DGKB: variants seen among roughly 807,000 people sequenced by gnomAD.
The protein encoded by DGKB is 90 kDa diacylglycerol kinase.
A neutral mutation model predicts 114.3 loss-of-function variants in DGKB; 67 were observed. The observed-to-expected ratio is 0.59, with a 90% confidence interval of 0.48 to 0.72. The LOEUF (loss-of-function observed/expected upper bound fraction) is 0.72, where lower values mean the gene tolerates loss of function less well. Ranked by LOEUF, DGKB falls within the 30% of genes least tolerant of loss-of-function variation. DGKB has a pLI of 0.00. For missense variants in DGKB, 907 were observed against 975.2 expected, an observed-to-expected ratio of 0.93 and a Z score of 0.93; for synonymous variants, 398 against 323.1, an observed-to-expected ratio of 1.23 and a Z score of -2.49.
chr7:14,702,631 T>C (rs1451815417), intron 6 of DGKB, among the ~76,000 whole-genome samples: 1 of 152,142 alleles, frequency 6.6e-6, no homozygotes, highest in Non-Finnish European at 1.5e-5. Context: ...CAGACACAGC[T>C]GTAAAAATAG....
At chr7:14,151,691 TTACTC>T (rs1181639907) in intron 25 of DGKB, among the ~76,000 whole-genome samples, 16 of 152,080 alleles carry the variant, frequency 1.1e-4, no homozygotes, top group African/African-American at 3.4e-4. Flanking sequence ...AACTGTTTCT[TTACTC>T]TAACTTTATT....
At chr7:14,656,039 C>T (rs780076250) in intron 13 of DGKB, among the ~76,000 whole-genome samples, 15 of 151,344 alleles carry the variant, frequency 9.9e-5, no homozygotes, top group Non-Finnish European at 1.2e-4. Context: ...TGAATATTTC[C>T]AATACGAAGA....
chr7:14,521,520 G>T (rs1010983853), intron 20 of DGKB, among the ~76,000 whole-genome samples: 5 of 151,898 alleles, frequency 3.3e-5, no homozygotes, highest in African/African-American at 9.7e-5. Context: ...TTCTGACACC[G>T]CAGACCTGCT....
chr7:14,468,136 C>A (rs79657453), intron 21 of DGKB, among the ~76,000 whole-genome samples: 15 of 152,180 alleles, frequency 9.9e-5, no homozygotes, highest in African/African-American at 3.4e-4. Flanking sequence ...TTATATGGCA[C>A]GGATTTTATT....
At chr7:14,440,922 T>A (rs1205273824) in intron 21 of DGKB, among the ~76,000 whole-genome samples, 1 of 147,914 alleles carries the variant, frequency 6.8e-6, no homozygotes, top group African/African-American at 2.5e-5. Context: ...CTGATAGCTG[T>A]GAAGTATCAG....
Position 14,410,614 on chromosome 7 carries a change from C to T in DGKB, c.1836-65223G>A, listed in dbSNP as rs184432592. On this transcript the variant is annotated intron_variant, in intron 21 of 25. Coordinates refer to ENST00000402815, the MANE Select transcript of DGKB (RefSeq NM_001350709.2). ...CTGAATAAATCTGGCTACATAAAAA[C>T]GTTAAAATGACTGTAACACTAAAAG... Among the ~76,000 whole-genome samples, 7 of 152,076 alleles carry T rather than the reference C, an allele frequency of 4.6e-5. No homozygotes were observed. The East Asian group carries it at 1.2e-3, about 25-fold the overall frequency.
At position 14,727,042 on chromosome 7, in the gene DGKB, T is replaced by C. The variant is rs1359481924; in HGVS notation, c.323-8357A>G. On this transcript the variant is annotated intron_variant, in intron 5 of 25. Coordinates refer to ENST00000402815, the MANE Select transcript of DGKB (RefSeq NM_001350709.2). The stretch of plus-strand genomic sequence containing the variant: ...ATTTGGGCCTCTGCAGGGTATTAAA[T>C]CTCTTATTTCCTTTTGCTAGAATAT... Among the ~76,000 whole-genome samples, 3 of 152,324 alleles carry C rather than the reference T, an allele frequency of 2.0e-5. No individual in the cohort carries two copies. The East Asian group carries it at 5.8e-4, about 29-fold the overall frequency.
chr7:14,195,961 T>A (rs1475997065), intron 23 of DGKB, among the ~76,000 whole-genome samples: 1 of 152,184 alleles, frequency 6.6e-6, no homozygotes, highest in Non-Finnish European at 1.5e-5. Flanking sequence ...TGGCAGTTTG[T>A]CTTCAGAGAA....
intron 6 of DGKB, among the ~76,000 whole-genome samples, chr7:14,708,892 G>T (rs1218955617): frequency 6.6e-6 from 1 of 151,134 alleles, no homozygotes; most frequent in African/African-American, 2.5e-5. Flanking sequence ...TACCATTCGG[G>T]ACATAGGCAT....
chr7:14,152,325 T>A (rs1262894537), intron 25 of DGKB, among the ~76,000 whole-genome samples: 1 of 152,038 alleles, frequency 6.6e-6, no homozygotes, highest in Non-Finnish European at 1.5e-5. Context: ...ACAAGGCATT[T>A]TGCAACATGA....
At chr7:14,227,539 A>G (rs1351749647) in intron 23 of DGKB, among the ~76,000 whole-genome samples, 1 of 152,064 alleles carries the variant, frequency 6.6e-6, no homozygotes, top group Non-Finnish European at 1.5e-5. Context: ...TATTTTATAT[A>G]TGGTATAACT....
chr7:14,362,408 C>T (rs1176596426), intron 21 of DGKB, among the ~76,000 whole-genome samples: 2 of 151,868 alleles, frequency 1.3e-5, no homozygotes, highest in Non-Finnish European at 2.9e-5. Context: ...GAAAATAATG[C>T]CTATTATTTT....
chr7:14,235,123 T>A (rs538623086), intron 23 of DGKB, among the ~76,000 whole-genome samples: 1 of 152,094 alleles, frequency 6.6e-6, no homozygotes, highest in Admixed American at 6.6e-5. Flanking sequence ...CAGGGTCACC[T>A]GGTAAACAAA....
chr7:14,662,226 A>G (rs1176315591), intron 13 of DGKB, among the ~76,000 whole-genome samples: 2 of 151,814 alleles, frequency 1.3e-5, no homozygotes, highest in African/African-American at 4.8e-5. Context: ...AATAAAAATA[A>G]AAATAAAAAA....
intron 23 of DGKB, among the ~76,000 whole-genome samples, chr7:14,294,342 C>T (rs1289683579): frequency 6.6e-6 from 1 of 152,122 alleles, no homozygotes; most frequent in African/African-American, 2.4e-5. Context: ...AGGATGCAGT[C>T]ATCTTTGGAG....
intron 15 of DGKB, among the ~76,000 whole-genome samples, chr7:14,614,522 G>A (rs543022804): frequency 6.6e-6 from 1 of 152,084 alleles, no homozygotes; most frequent in East Asian, 1.9e-4. Flanking sequence ...TTCTCCCCTA[G>A]AAAGTAGTCT....
chr7:14,477,925 A>G (rs3801364), intron 21 of DGKB, among the ~76,000 whole-genome samples: 3,278 of 152,124 alleles, frequency 0.022, 93 homozygotes, highest in African/African-American at 0.072. Flanking sequence ...TTTCTTTATA[A>G]TACATGAGAA....
chr7:14,910,511 GA>G (rs1051948301), intron 1 of DGKB, among the ~76,000 whole-genome samples: 5 of 151,854 alleles, frequency 3.3e-5, no homozygotes, highest in Admixed American at 2.0e-4. Context: ...ATTTTAGTGA[GA>G]AAAAATACTT....
At chr7:14,754,669 G>C (rs1164830048) in intron 3 of DGKB, among the ~76,000 whole-genome samples, 2 of 152,112 alleles carry the variant, frequency 1.3e-5, no homozygotes, top group African/African-American at 4.8e-5. Flanking sequence ...GCCTGACTAT[G>C]TTTTACTGAG....
Sources: allele counts gnomAD v4.1 joint callset (sites outside exome capture counted in the v4.1 genomes callset), GRCh38; gene constraint gnomAD v4.1.1; transcripts MANE v1.5; gene names NCBI Gene and HGNC (gene_info 2026-07-23, HGNC 2026-07-21).